ATPSCKMT: variants seen among roughly 807,000 people sequenced by gnomAD.
ATPSCKMT encodes ATP synthase c subunit lysine N-methyltransferase.
A neutral mutation model predicts 24.3 loss-of-function variants in ATPSCKMT; 24 were observed. That is an observed-to-expected ratio of 0.99 (90% CI 0.71 to 1.39). The LOEUF is 1.39. Ranked by LOEUF, ATPSCKMT falls within the 40% of genes most tolerant of loss-of-function variation. ATPSCKMT has a pLI of 0.00. For synonymous variants in ATPSCKMT, 95 were observed against 110.5 expected (o/e 0.86, Z 0.88); for missense variants, 311 against 298.4 (o/e 1.04, Z -0.31).
At chr5:10,228,328 TG>T (rs1743975043) in intron 4 of ATPSCKMT, among the ~76,000 whole-genome samples, 1 of 152,208 alleles carries the variant, frequency 6.6e-6, no homozygotes, top group South Asian at 2.1e-4. Flanking sequence ...TTCTACCAAC[TG>T]GAAATATCAT....
intron 4 of ATPSCKMT, among the ~76,000 whole-genome samples, chr5:10,234,653 A>G (rs1017582803): frequency 6.6e-6 from 1 of 152,228 alleles, no homozygotes; most frequent in African/African-American, 2.4e-5. Flanking sequence ...AAAGCTTCCC[A>G]CCATGACCAT....
intron 1 of ATPSCKMT, among the ~76,000 whole-genome samples, chr5:10,244,852 G>A (rs552809074): frequency 2.0e-5 from 3 of 151,390 alleles, no homozygotes; most frequent in South Asian, 4.2e-4. Context: ...AGGCTGCAGT[G>A]AGCCGTGATC....
chr5:10,233,019 T>C (rs1000129122), intron 4 of ATPSCKMT, among the ~76,000 whole-genome samples: 5 of 152,200 alleles, frequency 3.3e-5, no homozygotes, highest in Admixed American at 2.6e-4. Context: ...GTGGAAATGC[T>C]AGGGCACCTC....
At chr5:10,240,053 C>T (rs2607322) in intron 1 of ATPSCKMT, among the ~76,000 whole-genome samples, 65,859 of 149,682 alleles carry the variant, frequency 0.44, 16,126 homozygotes, top group East Asian at 0.84. Flanking sequence ...GGTGAAACCC[C>T]ATCTCTACTA....
At position 10,236,625 on chromosome 5, in the gene ATPSCKMT, G is replaced by A. The variant is rs1158400646; in HGVS notation, c.307-10C>T. On this transcript the variant is annotated splice_polypyrimidine_tract_variant and intron_variant, in intron 2 of 4. Coordinates refer to ENST00000511437, the MANE Select transcript of ATPSCKMT (RefSeq NM_199133.4). ...TCGCAGCCGCTATGACCTGTGGAGA[G>A]AGGCAGGATTTATTCAAAATAAGAA... 6.2e-7 allele frequency: 1 copy of A among 1,609,750 alleles called. No individual in the cohort carries two copies. Among genetic ancestry groups the A allele is most frequent in the Non-Finnish European group, 8.5e-7 (1 of 1,178,420 alleles).
At chr5:10,244,059 C>G (rs1744768042) in intron 1 of ATPSCKMT, among the ~76,000 whole-genome samples, 1 of 152,068 alleles carries the variant, frequency 6.6e-6, no homozygotes, top group Non-Finnish European at 1.5e-5. Flanking sequence ...TATTAATCAG[C>G]CTAATTTCAA....
At chr5:10,241,652 A>G (rs1191325532) in intron 1 of ATPSCKMT, among the ~76,000 whole-genome samples, 1 of 152,212 alleles carries the variant, frequency 6.6e-6, no homozygotes, top group Non-Finnish European at 1.5e-5. Context: ...AAGAAAATTA[A>G]CTTTAAGAAG....
At chr5:10,242,738 C>T (rs569195667) in intron 1 of ATPSCKMT, among the ~76,000 whole-genome samples, 2 of 152,286 alleles carry the variant, frequency 1.3e-5, no homozygotes, top group East Asian at 3.9e-4. Context: ...TCTTAAATAA[C>T]AAGACTTAAA....
chr5:10,245,937 T>A (rs925722181), intron 1 of ATPSCKMT, among the ~76,000 whole-genome samples: 4 of 152,198 alleles, frequency 2.6e-5, no homozygotes, highest in Non-Finnish European at 5.9e-5. Context: ...ATAATTCATA[T>A]ACATACAATT....
intron 1 of ATPSCKMT, among the ~76,000 whole-genome samples, chr5:10,241,883 A>G (rs1579430825): frequency 6.6e-6 from 1 of 152,252 alleles, no homozygotes; most frequent in Admixed American, 6.5e-5. Flanking sequence ...GTGCAATTGC[A>G]CTGTTCAAAA....
intron 2 of ATPSCKMT, 73 bp downstream of exon 2, chr5:10,238,994 T>C: frequency 6.6e-7 from 1 of 1,519,144 alleles, no homozygotes; most frequent in Non-Finnish European, 8.9e-7. Flanking sequence ...AGTCTTTGTG[T>C]AAGCCTTACT....
In ATPSCKMT at chr5:10,238,370, T is replaced by C. The variant is rs561257847; in HGVS notation, c.306+697A>G. 1.7e-3 allele frequency among the ~76,000 whole-genome samples: 259 copies of C among 152,364 alleles called. 1 individual carries two copies. Among genetic ancestry groups the C allele is most frequent in the African/African-American group, 5.6e-3 (232 of 41,594 alleles). On this transcript the variant is annotated intron_variant, in intron 2 of 4. Coordinates refer to ENST00000511437, the MANE Select transcript of ATPSCKMT (RefSeq NM_199133.4). ...CTCAGAATCACAAAATCAGTCTCTA[T>C]GTCTGTAGGAGCCGGTGAAAGGTGA... is the stretch of plus-strand genomic sequence containing the variant.
At position 10,226,055 on chromosome 5, in the gene ATPSCKMT, A is replaced by G. The variant is rs1743863232; in HGVS notation, c.*1386T>C. ...CACTAGCTGCCAAAAACCTGGCTGA[A>G]GTCCACAACATCACATCCCCTCATC... On this transcript the variant is annotated 3_prime_UTR_variant, in exon 5 of 5. Transcript: ENST00000511437. Among the ~76,000 whole-genome samples, 1 of 152,230 alleles carries G rather than the reference A, an allele frequency of 6.6e-6. No individual in the cohort carries two copies. Among genetic ancestry groups the G allele is most frequent in the African/African-American group, 2.4e-5 (1 of 41,452 alleles).
intron 4 of ATPSCKMT, among the ~76,000 whole-genome samples, chr5:10,234,675 C>T (rs955230765): frequency 1.3e-5 from 2 of 152,184 alleles, no homozygotes; most frequent in African/African-American, 4.8e-5. Context: ...CTTCCAAAGG[C>T]TAAGGAGGGC....
intron 1 of ATPSCKMT, chr5:10,244,325 G>C (rs1032156552): frequency 6.6e-6 from 1 of 152,192 alleles, no homozygotes; most frequent in Admixed American, 6.5e-5. Context: ...TAAAAAGTGA[G>C]CATGATGCTG....
chr5:10,244,909 CAAAA>C (rs60578858), intron 1 of ATPSCKMT, among the ~76,000 whole-genome samples: 1 of 137,184 alleles, frequency 7.3e-6, no homozygotes, highest in Non-Finnish European at 1.5e-5. Context: ...CCCTGGTTGT[CAAAA>C]AAAAAAAAAA....
Position 10,244,147 on chromosome 5 carries a change from AAC to A in ATPSCKMT, c.17-4793_17-4792del, listed in dbSNP as rs549381451. Among the ~76,000 whole-genome samples, 40 of 152,182 alleles carry A rather than the reference AAC, an allele frequency of 2.6e-4. No individual in the cohort carries two copies. The South Asian group carries it at 8.1e-3, about 31-fold the overall frequency. On this transcript the variant is annotated intron_variant, in intron 1 of 4. Coordinates refer to ENST00000511437, the MANE Select transcript of ATPSCKMT (RefSeq NM_199133.4). ...GGAATGGCCAGTGCAGCAGTAGGAA[AAC>A]ACACATTTATCGATTAAGTTCACTC...
At position 10,249,879 on chromosome 5, in the gene ATPSCKMT, G is replaced by C. The variant is rs770482620; in HGVS notation, c.-6C>G. 6.6e-6 allele frequency: 5 copies of C among 759,438 alleles called. No individual in the cohort carries two copies. The highest frequency in any genetic ancestry group is 2.6e-5 in the African/African-American group (1 of 39,180). 47.0% of individuals were successfully genotyped at this position (759,438 alleles called of 1,614,324 possible). A position where few individuals can be genotyped will look rare whatever the true frequency, so the allele number is the denominator to read the frequency against. On this transcript the variant is annotated 5_prime_UTR_variant, in exon 1 of 5. The change creates a new upstream start codon in the 5' untranslated region. Transcript: ENST00000511437. The stretch of plus-strand genomic sequence containing the variant: ...TCACCTCCTCCTCCCTCCATCGCGA[G>C]ATTTCCAACAGCGTTTTTAAAAAAA...
intron 1 of ATPSCKMT, chr5:10,248,246 T>C (rs542914989): frequency 4.6e-5 from 7 of 152,388 alleles, no homozygotes; most frequent in African/African-American, 1.4e-4. Context: ...ATGTCATTTG[T>C]GTCCTTTTGA....
Sources: gnomAD v4.1 joint callset for allele counts (sites outside exome capture counted in the v4.1 genomes callset) on GRCh38, gnomAD v4.1.1 for gene constraint, MANE v1.5 for transcripts, NCBI Gene and HGNC (gene_info 2026-07-23, HGNC 2026-07-21) for gene names.